The following BICD1 variants were observed in gnomAD, a reference collection of about 807,000 sequenced individuals.
The protein encoded by BICD1 is protein bicaudal D homolog 1.
In BICD1, 35 loss-of-function variants were observed where a neutral mutation model predicts 92.5. The ratio of observed to expected loss-of-function variants is 0.38; its 90% CI spans 0.29 to 0.50. The LOEUF (loss-of-function observed/expected upper bound fraction) is 0.50, where lower values mean the gene tolerates loss of function less well. Among genes scored for constraint, BICD1 ranks in the 20% least tolerant of loss-of-function variants. The pLI, the probability that BICD1 is intolerant of heterozygous loss-of-function variation, is 0.93. For missense variants in BICD1, 950 were observed against 1,189.8 expected, an observed-to-expected ratio of 0.80 and a Z score of 2.97; for synonymous variants, 429 against 465.1, an observed-to-expected ratio of 0.92 and a Z score of 1.00.
intron 1 of BICD1, among the ~76,000 whole-genome samples, chr12:32,165,539 G>C (rs1565558663): frequency 6.6e-6 from 1 of 150,908 alleles, no homozygotes; most frequent in Non-Finnish European, 1.5e-5. Context: ...ACAAAAATTA[G>C]CTGGGCGTGG....
chr12:32,367,518 T>C, intron 8 of BICD1, 152 bp from the exon 9 acceptor site: 1 of 619,080 alleles, frequency 1.6e-6, no homozygotes, highest in Non-Finnish European at 2.7e-6. Flanking sequence ...ATTGGCATCA[T>C]TCAAGAAGAA....
At chr12:32,349,906 C>T (rs542711916) in intron 8 of BICD1, among the ~76,000 whole-genome samples, 1 of 152,226 alleles carries the variant, frequency 6.6e-6, no homozygotes, top group South Asian at 2.1e-4. Flanking sequence ...AAAAGTATAC[C>T]ATTACATATC....
chr12:32,366,290 G>T (rs762532633), intron 8 of BICD1, among the ~76,000 whole-genome samples: 1 of 152,202 alleles, frequency 6.6e-6, no homozygotes, highest in Non-Finnish European at 1.5e-5. Context: ...TATAAATCCA[G>T]ACTTTGTGAT....
At chr12:32,174,612 C>T (rs993466253) in intron 1 of BICD1, among the ~76,000 whole-genome samples, 2 of 152,182 alleles carry the variant, frequency 1.3e-5, no homozygotes, top group Non-Finnish European at 2.9e-5. Context: ...AAATGAGTTG[C>T]TATCTCTTGT....
At chr12:32,287,788 C>G (rs1183452945) in intron 2 of BICD1, among the ~76,000 whole-genome samples, 1 of 152,188 alleles carries the variant, frequency 6.6e-6, no homozygotes, top group Non-Finnish European at 1.5e-5. Context: ...CCGCCCGCCT[C>G]GGCCTCCCAA....
chr12:32,163,872 T>C (rs2121508626), intron 1 of BICD1, among the ~76,000 whole-genome samples: 1 of 152,368 alleles, frequency 6.6e-6, no homozygotes, highest in East Asian at 1.9e-4. Context: ...CCCTGCGTTA[T>C]CATTTCACAT....
At chr12:32,179,925 G>T (rs1326796222) in intron 1 of BICD1, among the ~76,000 whole-genome samples, 1 of 145,752 alleles carries the variant, frequency 6.9e-6, no homozygotes, top group Non-Finnish European at 1.5e-5. Context: ...AGGAGGCAAA[G>T]ATTGCAGTGA....
intron 5 of BICD1, among the ~76,000 whole-genome samples, chr12:32,334,289 G>T (rs918133144): frequency 6.6e-6 from 1 of 152,034 alleles, no homozygotes; most frequent in African/African-American, 2.4e-5. Flanking sequence ...ACTCTGGCTC[G>T]CAGCGGGCTT....
intron 4 of BICD1, among the ~76,000 whole-genome samples, chr12:32,314,276 G>A (rs965962234): frequency 2.6e-5 from 4 of 152,098 alleles, no homozygotes; most frequent in African/African-American, 9.7e-5. Context: ...TTAATTCCCG[G>A]GGGAGTTAAT....
intron 1 of BICD1, among the ~76,000 whole-genome samples, chr12:32,116,466 C>G (rs10771914): frequency 0.2 from 17,900 of 90,814 alleles, 1,251 homozygotes; most frequent in Middle Eastern, 0.23. Context: ...CTGTCTGTCT[C>G]TCTCTCTCTC....
chr12:32,137,306 C>T (rs1942766146), intron 1 of BICD1, among the ~76,000 whole-genome samples: 1 of 152,078 alleles, frequency 6.6e-6, no homozygotes, highest in South Asian at 2.1e-4. Flanking sequence ...CCAGGCTGGT[C>T]TTGAACTCCT....
chr12:32,216,352 G>A lies in BICD1; in HGVS notation c.319G>A (p.Gly107Arg). Reference protein sequence around the residue: ...ESASKEAYYLGKILEMQNELK... With the variant: ...ESASKEAYYLRKILEMQNELK... ...AGCATCGAAGGAGGCTTACTATCTG[G>A]GGAAGATCTTGGAGATGCAGAACGA... The change falls in exon 2 of 10, where the codon GGG (glycine) becomes AGG (arginine). Residue 107 changes from glycine to arginine, a missense_variant. Physicochemically the swap from Gly to Arg is moderately radical, Grantham distance 125. Transcript: ENST00000652176. The A allele has an allele frequency of 6.2e-7, 1 of 1,614,156 alleles. No homozygotes were observed. The highest frequency in any genetic ancestry group is 8.5e-7 in the Non-Finnish European group (1 of 1,180,030).
intron 2 of BICD1, among the ~76,000 whole-genome samples, chr12:32,233,932 T>C (rs1373061368): frequency 6.6e-6 from 1 of 152,232 alleles, no homozygotes; most frequent in African/African-American, 2.4e-5. Context: ...AAATCAAGGA[T>C]ACCAGAATCT....
rs552661352 is a variant in BICD1, at chr12:32,121,333, C to T, written c.213+13789C>T. On this transcript the variant is annotated intron_variant, in intron 1 of 9. Transcript: ENST00000652176. ...ATTAAAAACTAATGGTGGCTCATGC[C>T]TGTAATCCCAGAATTTTGGGAGGCC... Among the ~76,000 whole-genome samples the T allele has an allele frequency of 2.6e-5, 4 of 151,920 alleles. No individual in the cohort carries two copies. In the South Asian group the frequency reaches 8.3e-4, roughly 32 times the overall value.
chr12:32,123,220 G>C (rs1450560914), intron 1 of BICD1, among the ~76,000 whole-genome samples: 1 of 152,152 alleles, frequency 6.6e-6, no homozygotes, highest in African/African-American at 2.4e-5. Flanking sequence ...ACACTAAGGA[G>C]GCCATGTGGC....
At chr12:32,352,052 A>G (rs1057414007) in intron 8 of BICD1, among the ~76,000 whole-genome samples, 1 of 150,350 alleles carries the variant, frequency 6.7e-6, no homozygotes, top group Non-Finnish European at 1.5e-5. Flanking sequence ...TAAAAATACA[A>G]AAATTAGCTG....
intron 2 of BICD1, among the ~76,000 whole-genome samples, chr12:32,225,830 C>G (rs571038657): frequency 1.3e-5 from 2 of 152,052 alleles, no homozygotes; most frequent in East Asian, 3.9e-4. Context: ...CCATGTTGAC[C>G]AGGCTGGTCT....
rs1023166652 is a variant in BICD1 at position 32,255,168 on chromosome 12, T to G, written c.426+38709T>G. ...ACGTGACTTTTCCTCTGTGCTTGCATGGAGAGAAAGAGACAACAAGACAGA... is the reference window on the plus strand; with the variant it reads ...ACGTGACTTTTCCTCTGTGCTTGCAGGGAGAGAAAGAGACAACAAGACAGA... On this transcript the variant is annotated intron_variant, in intron 2 of 9. Transcript: ENST00000652176. 1.3e-5 allele frequency among the ~76,000 whole-genome samples: 2 copies of G among 152,216 alleles called. 1 individual carries two copies. The highest frequency in any genetic ancestry group is 3.9e-4 in the East Asian group (2 of 5,168).
chr12:32,171,988 C>CACACACACACACACATATAT (rs1555141634), intron 1 of BICD1, among the ~76,000 whole-genome samples: 6 of 132,420 alleles, frequency 4.5e-5, no homozygotes, highest in Non-Finnish European at 8.1e-5. Flanking sequence ...CACACACACA[C>CACACACACACACACATATAT]ACTAAAACTG....
Sources: gnomAD v4.1 joint callset for allele counts (sites outside exome capture counted in the v4.1 genomes callset) on GRCh38, gnomAD v4.1.1 for gene constraint, MANE v1.5 for transcripts, NCBI Gene and HGNC (gene_info 2026-07-23, HGNC 2026-07-21) for gene names.